MAPK8: variants seen among roughly 807,000 people sequenced by gnomAD.
MAPK8 encodes the protein mitogen-activated protein kinase 8.
A neutral mutation model predicts 52.9 loss-of-function variants in MAPK8; 13 were observed. The observed-to-expected ratio is 0.25, with a 90% CI of 0.16 to 0.39. The LOEUF (loss-of-function observed/expected upper bound fraction) is 0.39. Among genes scored for constraint, MAPK8 ranks in the 10% least tolerant of loss-of-function variants. The pLI is 1.00. For missense variants in MAPK8, 300 were observed against 519.2 expected, an observed-to-expected ratio of 0.58 and a Z score of 4.10; for synonymous variants, 191 against 169.8, an observed-to-expected ratio of 1.12 and a Z score of -0.97.
Position 48,438,870 on chromosome 10 carries a change from T to C in MAPK8, c.*3841T>C, listed in dbSNP as rs1301905109. 1 of 152,246 alleles carries C rather than the reference T, an allele frequency of 6.6e-6. No homozygotes were observed. Among genetic ancestry groups the C allele is most frequent in the Non-Finnish European group, 1.5e-5 (1 of 68,038 alleles). The allele number at this position is 152,246 out of a possible 1,614,324, so 9.4% of individuals were successfully genotyped here. A position where few individuals can be genotyped will look rare whatever the true frequency, so the allele number is the denominator to read the frequency against. ...TGTAAGTAGAAACCTGCTCGTGATA[T>C]CGGTCCATTTACATTTTACAAAAGG... On this transcript the variant is annotated 3_prime_UTR_variant, in exon 12 of 12. Coordinates refer to ENST00000374189, the MANE Select transcript of MAPK8 (RefSeq NM_001323329.2).
At chr10:48,427,513 T>C (rs113951224) in intron 10 of MAPK8, 2,310 of 160,098 alleles carry the variant, frequency 0.014, 62 homozygotes, top group African/African-American at 0.052. Flanking sequence ...TTTTTTTGAG[T>C]TGGAGTCTCG....
chr10:48,352,698 G>A (rs1324983904), intron 1 of MAPK8, among the ~76,000 whole-genome samples: 1 of 152,088 alleles, frequency 6.6e-6, no homozygotes, highest in African/African-American at 2.4e-5. Flanking sequence ...CTTATGATTG[G>A]AAACAAGGTG....
At chr10:48,384,518 G>A (rs1881739) in intron 1 of MAPK8, among the ~76,000 whole-genome samples, 5,536 of 152,212 alleles carry the variant, frequency 0.036, 283 homozygotes, top group African/African-American at 0.11. Context: ...ACTGAGTTCA[G>A]CTGGGAAAGC....
At chr10:48,361,492 A>G (rs1319185550) in intron 1 of MAPK8, among the ~76,000 whole-genome samples, 1 of 152,156 alleles carries the variant, frequency 6.6e-6, no homozygotes, top group Non-Finnish European at 1.5e-5. Flanking sequence ...GAATTATTTC[A>G]GTTTACCTTT....
intron 3 of MAPK8, among the ~76,000 whole-genome samples, chr10:48,405,921 G>C (rs1195773191): frequency 2.0e-5 from 3 of 152,176 alleles, no homozygotes; most frequent in African/African-American, 7.2e-5. Context: ...TTCAGGATTA[G>C]GCCCTTTATT....
chr10:48,327,660 T>A (rs1184469208), intron 1 of MAPK8, among the ~76,000 whole-genome samples: 2 of 152,224 alleles, frequency 1.3e-5, no homozygotes, highest in African/African-American at 4.8e-5. Context: ...AGAATTGGTA[T>A]CACTTTTTTC....
Position 48,338,929 on chromosome 10 carries a change from A to G in MAPK8, c.-50+32108A>G, listed in dbSNP as rs189002180. Reference sequence around the variant, plus strand: ...CTGTAAAACACTGATGAAAGAATTCATAGATGACACAAACAAATGGAAGAA... The same window carrying G: ...CTGTAAAACACTGATGAAAGAATTCGTAGATGACACAAACAAATGGAAGAA... On this transcript the variant is annotated intron_variant, in intron 1 of 11. Transcript: ENST00000374189. Among the ~76,000 whole-genome samples the G allele has an allele frequency of 1.9e-3, 296 of 152,292 alleles. 7 individuals are homozygous for G. Among genetic ancestry groups the G allele is most frequent in the Non-Finnish European group, 5.3e-4 (36 of 67,998 alleles).
chr10:48,328,545 T>C (rs138379268), intron 1 of MAPK8, among the ~76,000 whole-genome samples: 83 of 152,314 alleles, frequency 5.4e-4, no homozygotes, highest in African/African-American at 1.9e-3. Flanking sequence ...TGCCTTAACC[T>C]GGGACACTCC....
At chr10:48,341,632 C>G (rs145792876) in intron 1 of MAPK8, among the ~76,000 whole-genome samples, 2 of 152,298 alleles carry the variant, frequency 1.3e-5, no homozygotes, top group African/African-American at 2.4e-5. Flanking sequence ...GCTTAGACTT[C>G]AAGATGAGTA....
intron 6 of MAPK8, among the ~76,000 whole-genome samples, chr10:48,423,395 A>G (rs1489317938): frequency 6.6e-6 from 1 of 152,232 alleles, no homozygotes; most frequent in East Asian, 1.9e-4. Context: ...AACATGAAAT[A>G]CATTTCTCTT....
chr10:48,380,237 G>A (rs551594430), intron 1 of MAPK8, among the ~76,000 whole-genome samples: 16 of 152,092 alleles, frequency 1.1e-4, no homozygotes, highest in South Asian at 8.3e-4. Context: ...GCGAGACTCC[G>A]TCTCAAAAAA....
At chr10:48,339,423 A>T (rs1160597830) in intron 1 of MAPK8, among the ~76,000 whole-genome samples, 1 of 152,234 alleles carries the variant, frequency 6.6e-6, no homozygotes, top group Non-Finnish European at 1.5e-5. Flanking sequence ...CTCACTATAT[A>T]CAAAAATTAA....
intron 1 of MAPK8, among the ~76,000 whole-genome samples, chr10:48,338,306 A>C (rs145111839): frequency 4.9e-4 from 75 of 152,278 alleles, no homozygotes; most frequent in African/African-American, 1.5e-3. Context: ...AGAATATACA[A>C]ATCAATAAAT....
chr10:48,391,699 T>C (rs1589161965), intron 1 of MAPK8, among the ~76,000 whole-genome samples: 1 of 152,086 alleles, frequency 6.6e-6, no homozygotes, highest in Non-Finnish European at 1.5e-5. Flanking sequence ...TACCTGGAGA[T>C]AGCATGAGAT....
intron 1 of MAPK8, among the ~76,000 whole-genome samples, chr10:48,377,983 T>G (rs899750215): frequency 6.6e-6 from 1 of 152,156 alleles, no homozygotes; most frequent in African/African-American, 2.4e-5. Flanking sequence ...AAGGGGTAAT[T>G]ATTTACCTCA....
intron 1 of MAPK8, among the ~76,000 whole-genome samples, chr10:48,342,118 T>C (rs942707686): frequency 2.6e-5 from 4 of 152,230 alleles, no homozygotes; most frequent in African/African-American, 9.6e-5. Context: ...TTCATTCATT[T>C]ATTTATTGAG....
At chr10:48,328,464 T>C (rs913496459) in intron 1 of MAPK8, among the ~76,000 whole-genome samples, 1 of 152,226 alleles carries the variant, frequency 6.6e-6, no homozygotes, top group African/African-American at 2.4e-5. Flanking sequence ...CATTTTGATC[T>C]GACCTGGTTG....
chr10:48,385,923 C>T (rs1182006464), intron 1 of MAPK8, among the ~76,000 whole-genome samples: 1 of 151,860 alleles, frequency 6.6e-6, no homozygotes. Context: ...TTACAGAAAG[C>T]CATTTGCCAT....
chr10:48,343,084 G>T (rs1845456873), intron 1 of MAPK8, among the ~76,000 whole-genome samples: 1 of 152,234 alleles, frequency 6.6e-6, no homozygotes, highest in Admixed American at 6.5e-5. Flanking sequence ...ACCGTGTGTT[G>T]CTTTCCTATG....
Sources: allele counts gnomAD v4.1 joint callset (sites outside exome capture counted in the v4.1 genomes callset), GRCh38; gene constraint gnomAD v4.1.1; transcripts MANE v1.5; gene names NCBI Gene and HGNC (gene_info 2026-07-23, HGNC 2026-07-21).